Variants in SENP5 observed in about 807,000 individuals in gnomAD.
SENP5 encodes sentrin-specific protease 5.
Under a neutral mutation model 74.2 loss-of-function variants are expected in SENP5, and 21 were observed. The ratio of observed to expected loss-of-function variants is 0.28; its 90% CI spans 0.20 to 0.41. The LOEUF (loss-of-function observed/expected upper bound fraction) is 0.41, where lower values mean the gene tolerates loss of function less well. Among genes scored for constraint, SENP5 ranks in the 10% least tolerant of loss-of-function variants. SENP5 has a pLI of 1.00. For missense variants in SENP5, 717 were observed against 889.1 expected, an observed-to-expected ratio of 0.81 and a Z score of 2.46; for synonymous variants, 311 against 312.7, an observed-to-expected ratio of 0.99 and a Z score of 0.06.
intron 1 of SENP5, among the ~76,000 whole-genome samples, chr3:196,877,285 C>T (rs942147943): frequency 4.6e-5 from 7 of 152,064 alleles, no homozygotes; most frequent in Non-Finnish European, 7.4e-5. Flanking sequence ...CTGGTTGAAG[C>T]GATTCTTCTG....
intron 6 of SENP5, among the ~76,000 whole-genome samples, chr3:196,911,762 T>C (rs142051088): frequency 6.6e-6 from 1 of 152,196 alleles, no homozygotes; most frequent in Admixed American, 6.5e-5. Context: ...TGAGCTGAGA[T>C]TGTGCCATTG....
At chr3:196,925,431 G>C (rs193097464) in intron 7 of SENP5, among the ~76,000 whole-genome samples, 3 of 152,034 alleles carry the variant, frequency 2.0e-5, no homozygotes, top group Non-Finnish European at 2.9e-5. Flanking sequence ...TCCCATACCT[G>C]CCAGAGCCTG....
chr3:196,919,513 A>G lies in SENP5; in HGVS notation c.1885-3901A>G, dbSNP rs184103381. On this transcript the variant is annotated intron_variant, in intron 6 of 9. Coordinates refer to ENST00000323460, the MANE Select transcript of SENP5 (RefSeq NM_152699.5). ...ACAAATGAACAAAGAAACGTGACCA[A>G]CCAGGGGCGGTGGCTCACGCCTGTA... Among the ~76,000 whole-genome samples the G allele has an allele frequency of 4.6e-5, 7 of 151,826 alleles. No individual in the cohort carries two copies. The East Asian group carries it at 1.2e-3, about 25-fold the overall frequency.
chr3:196,882,021 C>T (rs1334522247), intron 1 of SENP5, among the ~76,000 whole-genome samples: 1 of 151,376 alleles, frequency 6.6e-6, no homozygotes, highest in African/African-American at 2.4e-5. Context: ...CTCAGCCTCC[C>T]GAGTAGCTGG....
In SENP5 at chr3:196,886,293, T is replaced by C. The variant is rs1298463770; in HGVS notation, c.1112T>C (p.Leu371Pro). 1 of 1,614,116 alleles carries C rather than the reference T, an allele frequency of 6.2e-7. No individual in the cohort carries two copies. The highest frequency in any genetic ancestry group is 1.7e-4 in the Middle Eastern group (1 of 6,060). The change falls in exon 2 of 10, where the codon CTG (leucine) becomes CCG (proline). Residue 371 changes from leucine (L) to proline (P), a missense_variant. Around this residue, in one of 4 missense-constraint regions of SENP5, gnomAD observed 567 missense variants for 577.4 expected, o/e 0.98. Transcript: ENST00000323460. Reference sequence around the variant, plus strand: ...TCTCCTAAGTGGGAGTGTACAGAGCTGATTCATGACATCCCCTTACCAGAA... The same window carrying C: ...TCTCCTAAGTGGGAGTGTACAGAGCCGATTCATGACATCCCCTTACCAGAA... ...CSSPKWECTE[L>P]IHDIPLPEHR...
intron 2 of SENP5, among the ~76,000 whole-genome samples, chr3:196,894,176 T>G (rs895440079): frequency 1.4e-5 from 2 of 138,430 alleles, no homozygotes; most frequent in Non-Finnish European, 3.1e-5. Flanking sequence ...CAGGCTGGAG[T>G]GCAGTGGCGT....
At position 196,891,207 on chromosome 3, in the gene SENP5, A is replaced by G. The variant is rs182185318; in HGVS notation, c.1513+4513A>G. 2.3e-3 allele frequency among the ~76,000 whole-genome samples: 353 copies of G among 152,334 alleles called. 3 individuals carry two copies. Among genetic ancestry groups the G allele is most frequent in the Non-Finnish European group, 2.1e-3 (142 of 68,024 alleles). On this transcript the variant is annotated intron_variant, in intron 2 of 9. Transcript: ENST00000323460. ...CCAGACACAAAAGGCCTTATAACAT[A>G]TGATTTCGTTCATTTGAAATGTCCA...
chr3:196,885,871 T>G lies in SENP5; in HGVS notation c.690T>G (p.Leu230=). ...NQHRRIKLSP[L]MMYEKLSMIR... ...ATAGAAGGATAAAATTATCTCCTCT[T>G]ATGATGTATGAGAAATTATCCATGA... is the stretch of plus-strand genomic sequence containing the variant. Residue 230 remains leucine, a synonymous_variant, in exon 2 of 10, where the codon CTT becomes CTG. Coordinates refer to ENST00000323460, the MANE Select transcript of SENP5 (RefSeq NM_152699.5). 1.2e-6 allele frequency: 2 copies of G among 1,613,848 alleles called. No homozygotes were observed. The highest frequency in any genetic ancestry group is 1.7e-6 in the Non-Finnish European group (2 of 1,179,972).
intron 2 of SENP5, among the ~76,000 whole-genome samples, chr3:196,888,445 T>G (rs1714065692): frequency 6.6e-6 from 1 of 151,768 alleles, no homozygotes; most frequent in Non-Finnish European, 1.5e-5. Flanking sequence ...CAGCCAGGTG[T>G]TGTGGTGCGT....
intron 5 of SENP5, among the ~76,000 whole-genome samples, 154 bp downstream of exon 5, chr3:196,900,566 C>G (rs1309057405): frequency 6.6e-6 from 1 of 152,026 alleles, no homozygotes; most frequent in Non-Finnish European, 1.5e-5. Context: ...TGGGCTTGAT[C>G]GTAAGTTCCA....
At chr3:196,914,977 G>A (rs540843301) in intron 6 of SENP5, among the ~76,000 whole-genome samples, 19 of 152,272 alleles carry the variant, frequency 1.2e-4, no homozygotes, top group Admixed American at 1.2e-3. Context: ...CTCCAGTGCT[G>A]TCATATCACA....
intron 6 of SENP5, among the ~76,000 whole-genome samples, chr3:196,910,544 C>T (rs1171329314): frequency 2.6e-5 from 4 of 151,434 alleles, no homozygotes; most frequent in Admixed American, 6.6e-5. Flanking sequence ...CACAGGGTTT[C>T]GCCGTGTTAG....
At position 196,882,805 on chromosome 3, in the gene SENP5, G is replaced by A. The variant is rs539897064; in HGVS notation, c.-31-2346G>A. ...AGGCGTGAGCCACCATGCCCAGCCC[G>A]TCTAGTTGTTTTTAATAATGACCAC... On this transcript the variant is annotated intron_variant, in intron 1 of 9. Coordinates refer to ENST00000323460, the MANE Select transcript of SENP5 (RefSeq NM_152699.5). 3.5e-4 allele frequency among the ~76,000 whole-genome samples: 53 copies of A among 152,280 alleles called. 1 individual carries two copies. Among genetic ancestry groups the A allele is most frequent in the Admixed American group, 1.6e-3 (25 of 15,284 alleles).
At chr3:196,892,703 C>T (rs896390772) in intron 2 of SENP5, among the ~76,000 whole-genome samples, 4 of 152,164 alleles carry the variant, frequency 2.6e-5, no homozygotes, top group African/African-American at 9.7e-5. Context: ...CCTTGACCAA[C>T]ATCTTCCAAT....
intron 2 of SENP5, among the ~76,000 whole-genome samples, chr3:196,887,892 C>T (rs1273881107): frequency 1.3e-4 from 20 of 152,098 alleles, no homozygotes; most frequent in African/African-American, 4.1e-4. Flanking sequence ...CTCAGCCTCC[C>T]AAGTAGCTGA....
Position 196,885,160 on chromosome 3 carries a change from G to GAAAAATGATGC in SENP5, c.-21_-20insAAAATGATGCA. 2 of 1,573,990 alleles carry GAAAAATGATGC rather than the reference G, an allele frequency of 1.3e-6. No individual in the cohort carries two copies. The highest frequency in any genetic ancestry group is 1.7e-6 in the Non-Finnish European group (2 of 1,152,470). On this transcript the variant is annotated 5_prime_UTR_variant, in exon 2 of 10. It adds an upstream start codon to the 5' untranslated region. Transcript: ENST00000323460. ...CTTCTCTTCTTTACAGCTGCATCCA[G>GAAAAATGATGC]ATCTCATTATGCATCAGAAAAATGA...
At chr3:196,912,329 C>T (rs1715166924) in intron 6 of SENP5, among the ~76,000 whole-genome samples, 1 of 152,112 alleles carries the variant, frequency 6.6e-6, no homozygotes, top group African/African-American at 2.4e-5. Flanking sequence ...GAACAGAAAA[C>T]CAAACACTGC....
intron 2 of SENP5, 29 bp from the exon 3 acceptor site, chr3:196,899,637 C>T: frequency 1.4e-6 from 2 of 1,443,008 alleles, no homozygotes; most frequent in South Asian, 1.1e-5. Flanking sequence ...GTTTTTCCAT[C>T]TTAACTTTTC....
intron 1 of SENP5, among the ~76,000 whole-genome samples, chr3:196,873,875 AATTAGTT>A (rs1172621267): frequency 1.3e-5 from 2 of 152,010 alleles, no homozygotes; most frequent in Admixed American, 6.6e-5. Flanking sequence ...ATTTAATTTT[AATTAGTT>A]ATTTAGGAAT....
Sources: gnomAD v4.1 joint callset for allele counts (sites outside exome capture counted in the v4.1 genomes callset) on GRCh38, gnomAD v4.1.1 for gene constraint, gnomAD v4.1.1 regional missense constraint, MANE v1.5 for transcripts, NCBI Gene and HGNC (gene_info 2026-07-23, HGNC 2026-07-21) for gene names.